The following CYP4Z1 variants were observed in gnomAD, a reference collection of about 807,000 sequenced individuals.
The protein encoded by CYP4Z1 is cytochrome P450 4Z1.
CYP4Z1 carries 41 observed loss-of-function variants against 54.2 expected under a neutral mutation model. That is an observed-to-expected ratio of 0.76 (90% CI 0.59 to 0.98). CYP4Z1 has a LOEUF of 0.98. Ranked by LOEUF, CYP4Z1 falls within the 50% of genes least tolerant of loss-of-function variation. The pLI, the probability that CYP4Z1 is intolerant of heterozygous loss-of-function variation, is 0.00. For synonymous variants in CYP4Z1, 163 were observed against 206.2 expected (o/e 0.79, Z 1.79); for missense variants, 513 against 599.0 (o/e 0.86, Z 1.50).
chr1:47,091,333 T>G (rs1408874318), intron 6 of CYP4Z1, among the ~76,000 whole-genome samples: 1 of 143,428 alleles, frequency 7.0e-6, no homozygotes, highest in Non-Finnish European at 1.5e-5. Flanking sequence ...TTTCTTCGGC[T>G]ATCTTATTTG....
chr1:47,094,329 C>G (rs1462420000), intron 6 of CYP4Z1, among the ~76,000 whole-genome samples: 2 of 152,186 alleles, frequency 1.3e-5, no homozygotes, highest in Non-Finnish European at 2.9e-5. Flanking sequence ...TACAACAACC[C>G]TGTGTGATAC....
At chr1:47,111,653 C>T (rs2148542005) in intron 9 of CYP4Z1, among the ~76,000 whole-genome samples, 1 of 152,294 alleles carries the variant, frequency 6.6e-6, no homozygotes, top group South Asian at 2.1e-4. Context: ...CAATATTAAA[C>T]TTTTTCCCCA....
Position 47,118,044 on chromosome 1 carries a change from T to A in CYP4Z1, c.*110T>A. On this transcript the variant is annotated 3_prime_UTR_variant, in exon 12 of 12. Coordinates refer to ENST00000334194, the MANE Select transcript of CYP4Z1 (RefSeq NM_178134.3). ...GTATATGGTTGTTTGACAAATTATA[T>A]AACTTAGGATACTTCTGACTGGTTT... is the stretch of plus-strand genomic sequence containing the variant. The A allele has an allele frequency of 9.0e-7, 1 of 1,105,306 alleles. No individual in the cohort carries two copies. The highest frequency in any genetic ancestry group is 1.2e-6 in the Non-Finnish European group (1 of 804,348). 68.5% of individuals were successfully genotyped at this position (1,105,306 alleles called of 1,614,324 possible).
intron 8 of CYP4Z1, among the ~76,000 whole-genome samples, chr1:47,105,447 C>G (rs994845540): frequency 6.6e-6 from 1 of 152,142 alleles, no homozygotes; most frequent in Non-Finnish European, 1.5e-5. Context: ...TTAGTGGGCT[C>G]TTCCATAGCT....
upstream of CYP4Z1, among the ~76,000 whole-genome samples, chr1:47,064,790 C>T (rs1479596332): frequency 6.6e-6 from 1 of 152,176 alleles, no homozygotes; most frequent in Non-Finnish European, 1.5e-5. Context: ...CAAATTTCTG[C>T]TGTCTTCAGG....
At chr1:47,076,387 T>G (rs1015009973) in intron 2 of CYP4Z1, among the ~76,000 whole-genome samples, 1 of 150,934 alleles carries the variant, frequency 6.6e-6, no homozygotes, top group East Asian at 2.0e-4. Flanking sequence ...GGTTATTGAT[T>G]TAAGGAATTT....
intron 2 of CYP4Z1, chr1:47,075,822 A>C (rs572241954): frequency 1.1e-5 from 2 of 180,450 alleles, no homozygotes; most frequent in African/African-American, 4.8e-5. Flanking sequence ...CACCTGTCTC[A>C]CTGAAGAAGG....
intron 9 of CYP4Z1, among the ~76,000 whole-genome samples, chr1:47,107,060 A>T (rs569430371): frequency 6.6e-6 from 1 of 152,358 alleles, no homozygotes; most frequent in South Asian, 2.1e-4. Context: ...GTTGCCCAAT[A>T]GCAATTAAAT....
chr1:47,117,907 C>A lies in CYP4Z1; in HGVS notation c.1491C>A (p.Ile497=). The A allele has an allele frequency of 6.2e-7, 1 of 1,613,296 alleles. No individual in the cohort carries two copies. Among genetic ancestry groups the A allele is most frequent in the Non-Finnish European group, 8.5e-7 (1 of 1,179,690 alleles). The part of the protein sequence containing the change: ...RQVVLKSKNG[I]HVFAKKVC The stretch of plus-strand genomic sequence containing the variant: ...TTGTCCTCAAGTCCAAGAATGGAAT[C>A]CATGTGTTTGCAAAAAAAGTTTGCT... Residue 497 remains isoleucine (I), a synonymous_variant, in exon 12 of 12, where the codon ATC becomes ATA. Coordinates refer to ENST00000334194, the MANE Select transcript of CYP4Z1 (RefSeq NM_178134.3).
At chr1:47,103,526 C>G (rs910735934) in intron 8 of CYP4Z1, among the ~76,000 whole-genome samples, 6 of 150,906 alleles carry the variant, frequency 4.0e-5, no homozygotes, top group African/African-American at 1.5e-4. Context: ...AATTTCTTGT[C>G]TGACTTCTTT....
At chr1:47,103,479 T>C (rs920713442) in intron 8 of CYP4Z1, among the ~76,000 whole-genome samples, 1 of 152,080 alleles carries the variant, frequency 6.6e-6, no homozygotes, top group Non-Finnish European at 1.5e-5. Flanking sequence ...TTTTCTATGA[T>C]ATCTATCTCT....
chr1:47,091,917 G>T (rs1433879704), intron 6 of CYP4Z1, among the ~76,000 whole-genome samples: 2 of 150,910 alleles, frequency 1.3e-5, no homozygotes, highest in Non-Finnish European at 3.0e-5. Context: ...GAGTTAAAGG[G>T]GAGAAAGGAG....
the CYP4Z1 span, among the ~76,000 whole-genome samples, chr1:47,055,662 C>T: frequency 2.0e-5 from 3 of 152,112 alleles, no homozygotes; most frequent in Non-Finnish European, 4.4e-5. Flanking sequence ...GTGTATGTGT[C>T]GAGGAATTTA....
chr1:47,108,222 T>C (rs1015283486), intron 9 of CYP4Z1, among the ~76,000 whole-genome samples: 2 of 152,104 alleles, frequency 1.3e-5, no homozygotes, highest in Non-Finnish European at 2.9e-5. Flanking sequence ...GCCCCTCTCA[T>C]ACACACAGGC....
At chr1:47,096,178 A>G (rs866183302) in intron 7 of CYP4Z1, among the ~76,000 whole-genome samples, 10 of 152,300 alleles carry the variant, frequency 6.6e-5, no homozygotes, top group Admixed American at 3.3e-4. Flanking sequence ...AGCGACTCAG[A>G]AGACAGAGGC....
At chr1:47,068,205 G>A (rs1361984932) in intron 1 of CYP4Z1, among the ~76,000 whole-genome samples, 1 of 152,154 alleles carries the variant, frequency 6.6e-6, no homozygotes, top group Non-Finnish European at 1.5e-5. Flanking sequence ...GGCATCAGTG[G>A]TTACTAACGG....
chr1:47,111,105 A>G (rs1226110474), intron 9 of CYP4Z1, among the ~76,000 whole-genome samples: 1 of 152,194 alleles, frequency 6.6e-6, no homozygotes, highest in Admixed American at 6.5e-5. Context: ...TTCAAAAATT[A>G]GTCTTCATAA....
intron 6 of CYP4Z1, among the ~76,000 whole-genome samples, chr1:47,089,276 T>G (rs1031806415): frequency 5.9e-5 from 9 of 152,202 alleles, no homozygotes; most frequent in African/African-American, 2.2e-4. Context: ...GAACCTCTAT[T>G]TACTACTTCT....
rs954930709 is a variant in CYP4Z1 at position 47,118,049 on chromosome 1, T to C, written c.*115T>C. ...TGGTTGTTTGACAAATTATATAACTTAGGATACTTCTGACTGGTTTTGACA... is the reference window on the plus strand; with the variant it reads ...TGGTTGTTTGACAAATTATATAACTCAGGATACTTCTGACTGGTTTTGACA... On this transcript the variant is annotated 3_prime_UTR_variant, in exon 12 of 12. Coordinates refer to ENST00000334194, the MANE Select transcript of CYP4Z1 (RefSeq NM_178134.3). The C allele has an allele frequency of 1.6e-5, 17 of 1,094,446 alleles. No individual in the cohort carries two copies. Among genetic ancestry groups the C allele is most frequent in the Non-Finnish European group, 2.1e-5 (17 of 794,262 alleles). The allele number at this position is 1,094,446 out of a possible 1,614,324, so 67.8% of individuals were successfully genotyped here. A position where few individuals can be genotyped will look rare whatever the true frequency, so the allele number is the denominator to read the frequency against.
Sources: allele counts gnomAD v4.1 joint callset (sites outside exome capture counted in the v4.1 genomes callset), GRCh38; gene constraint gnomAD v4.1.1; transcripts MANE v1.5; gene names NCBI Gene and HGNC (gene_info 2026-07-23, HGNC 2026-07-21).